The following LHFPL6 variants were observed in gnomAD, a reference collection of about 807,000 sequenced individuals.
The protein encoded by LHFPL6 is LHFPL tetraspan subfamily member 6, also known as LHFPL tetraspan subfamily member 6 protein.
A neutral mutation model predicts 20.6 loss-of-function variants in LHFPL6; 9 were observed. That is an observed-to-expected ratio of 0.44 (90% CI 0.26 to 0.76). LHFPL6 has a LOEUF of 0.76. LHFPL6 is among the 30% of genes least tolerant of loss of function. LHFPL6 has a pLI of 0.20. For synonymous variants in LHFPL6, 105 were observed against 98.7 expected (o/e 1.06, Z -0.38); for missense variants, 218 against 253.5 (o/e 0.86, Z 0.95).
intron 2 of LHFPL6, among the ~76,000 whole-genome samples, chr13:39,456,161 A>G (rs550861717): frequency 8.5e-5 from 13 of 152,358 alleles, no homozygotes; most frequent in African/African-American, 2.9e-4. Context: ...AAAAGTGCCT[A>G]TTAACCAATC....
intron 2 of LHFPL6, among the ~76,000 whole-genome samples, chr13:39,573,190 T>A (rs1445405463): frequency 6.6e-6 from 1 of 152,080 alleles, no homozygotes; most frequent in Admixed American, 6.5e-5. Context: ...TTTTCCCCTA[T>A]CAAAATAGGT....
rs753034468 is a variant in LHFPL6 at position 39,600,937 on chromosome 13, C to T, written c.280G>A (p.Gly94Ser). The T allele has an allele frequency of 6.2e-7, 1 of 1,603,572 alleles. No homozygotes were observed. Among genetic ancestry groups the T allele is most frequent in the Non-Finnish European group, 8.5e-7 (1 of 1,173,072 alleles). ...ICTIVTGLGCGLLLLVALTAL... is the reference protein window; with the variant it reads ...ICTIVTGLGCSLLLLVALTAL... ...GTGAGCGCCACCAGGAGGAGGAGGC[C>T]ACAACCCAGGCCGGTCACTATGGTG... The change falls in exon 2 of 4, where the codon GGC becomes AGC. Residue 94 changes from glycine (G) to serine (S), a missense_variant. Coordinates refer to ENST00000379589, the MANE Select transcript of LHFPL6 (RefSeq NM_005780.3).
chr13:39,493,802 G>C (rs1307235668), intron 2 of LHFPL6, among the ~76,000 whole-genome samples: 2 of 152,204 alleles, frequency 1.3e-5, no homozygotes, highest in African/African-American at 4.8e-5. Context: ...CCTCAGGAAA[G>C]ACATCAGGGC....
intron 2 of LHFPL6, among the ~76,000 whole-genome samples, chr13:39,538,076 C>T (rs1005225395): frequency 1.1e-4 from 16 of 151,348 alleles, no homozygotes; most frequent in African/African-American, 3.4e-4. Context: ...CTGCAACCTC[C>T]GCCTCCCAGG....
chr13:39,450,139 TAA>T (rs905388445), intron 2 of LHFPL6, among the ~76,000 whole-genome samples: 20 of 152,328 alleles, frequency 1.3e-4, no homozygotes, highest in African/African-American at 4.6e-4. Flanking sequence ...TCTAAATCTC[TAA>T]AGAGTCTAAA....
At chr13:39,413,442 T>A (rs1420030125) in intron 2 of LHFPL6, among the ~76,000 whole-genome samples, 1 of 96,004 alleles carries the variant, frequency 1.0e-5, no homozygotes, top group Non-Finnish European at 2.2e-5. Flanking sequence ...GGATTTTTTT[T>A]TTTTTTTTTT....
At chr13:39,515,474 T>C (rs988114796) in intron 2 of LHFPL6, among the ~76,000 whole-genome samples, 4 of 152,372 alleles carry the variant, frequency 2.6e-5, no homozygotes, top group East Asian at 3.9e-4. Context: ...GCTGACACTT[T>C]ATTCTTACCA....
intron 2 of LHFPL6, among the ~76,000 whole-genome samples, chr13:39,561,803 C>G (rs573499952): frequency 6.6e-6 from 1 of 152,304 alleles, no homozygotes; most frequent in African/African-American, 2.4e-5. Flanking sequence ...CAGGGCCTAA[C>G]ACTGAGTGAC....
chr13:39,516,090 G>C lies in LHFPL6; in HGVS notation c.385+84742C>G, dbSNP rs573121688. Among the ~76,000 whole-genome samples the C allele has an allele frequency of 3.3e-5, 5 of 152,220 alleles. No individual in the cohort carries two copies. In the East Asian group the frequency reaches 7.7e-4, roughly 23 times the overall value. ...ACTCAGGACTGTGGAGGCTAATTACGAGTTCCTATTGTCTGATCCTTCTGG... is the reference window on the plus strand; with the variant it reads ...ACTCAGGACTGTGGAGGCTAATTACCAGTTCCTATTGTCTGATCCTTCTGG... On this transcript the variant is annotated intron_variant, in intron 2 of 3. Coordinates refer to ENST00000379589, the MANE Select transcript of LHFPL6 (RefSeq NM_005780.3).
At chr13:39,500,698 T>C (rs1869264909) in intron 2 of LHFPL6, among the ~76,000 whole-genome samples, 1 of 152,220 alleles carries the variant, frequency 6.6e-6, no homozygotes, top group Admixed American at 6.5e-5. Flanking sequence ...GAATTGTATA[T>C]TAAATGTTCT....
chr13:39,411,555 T>C (rs1312834285), intron 2 of LHFPL6, among the ~76,000 whole-genome samples: 1 of 152,172 alleles, frequency 6.6e-6, no homozygotes, highest in African/African-American at 2.4e-5. Context: ...GCCCTTATAA[T>C]AGTGTTGTGT....
intron 3 of LHFPL6, among the ~76,000 whole-genome samples, chr13:39,356,020 A>T (rs980008967): frequency 6.6e-6 from 1 of 152,236 alleles, no homozygotes; most frequent in African/African-American, 2.4e-5. Context: ...TTTAAACTCA[A>T]CATGACCAAT....
chr13:39,459,194 A>ATGTGTGTGTGTGTGTGTGTGTGTG, intron 2 of LHFPL6, among the ~76,000 whole-genome samples: 1 of 136,070 alleles, frequency 7.3e-6, no homozygotes, highest in African/African-American at 2.8e-5. Flanking sequence ...AAGTTCCTTA[A>ATGTGTGTGTGTGTGTGTGTGTGTG]TGTGTGTGTG....
At chr13:39,454,839 T>C (rs919337273) in intron 2 of LHFPL6, among the ~76,000 whole-genome samples, 4 of 152,116 alleles carry the variant, frequency 2.6e-5, no homozygotes, top group African/African-American at 9.7e-5. Flanking sequence ...ATTTAAGGAG[T>C]GGAGATACAA....
chr13:39,480,641 G>A (rs1029799502), intron 2 of LHFPL6, among the ~76,000 whole-genome samples: 4 of 152,052 alleles, frequency 2.6e-5, no homozygotes, highest in African/African-American at 9.7e-5. Flanking sequence ...GGGACTCCTT[G>A]GTCTAAGAGG....
intron 3 of LHFPL6, among the ~76,000 whole-genome samples, chr13:39,351,366 T>C (rs1239923192): frequency 2.0e-5 from 3 of 151,704 alleles, no homozygotes; most frequent in Admixed American, 2.0e-4. Flanking sequence ...GATAAGTAAC[T>C]TACCCATTAT....
At position 39,378,409 on chromosome 13, in the gene LHFPL6, A is replaced by G. The variant is rs1870350190; in HGVS notation, c.484+19T>C. On this transcript the variant is annotated intron_variant, in intron 3 of 3. Transcript: ENST00000379589. ...AGGTTCTTTTTCTAAAAGGAGTGCC[A>G]TCCATGAAGAAAGCTTACCCAGGTC... 2.5e-6 allele frequency: 4 copies of G among 1,596,560 alleles called. No homozygotes were observed. The highest frequency in any genetic ancestry group is 2.2e-5 in the South Asian group (2 of 90,672).
chr13:39,343,752 TCCCCCAC>T lies in LHFPL6; in HGVS notation c.*177_*183del. 1.8e-6 allele frequency: 1 copy of T among 569,020 alleles called. No individual in the cohort carries two copies. Among genetic ancestry groups the T allele is most frequent in the Non-Finnish European group, 3.1e-6 (1 of 320,492 alleles). 35.2% of individuals were successfully genotyped at this position (569,020 alleles called of 1,614,324 possible). ...CATCATTCTATACTCTCCTTTTTTT[TCCCCCAC>T]AAATCTCCTACAATCCTTCCTTCCT... On this transcript the variant is annotated 3_prime_UTR_variant, in exon 4 of 4. Transcript: ENST00000379589.
At chr13:39,464,755 G>A (rs1025231494) in intron 2 of LHFPL6, among the ~76,000 whole-genome samples, 3 of 147,260 alleles carry the variant, frequency 2.0e-5, no homozygotes, top group African/African-American at 7.5e-5. Flanking sequence ...TGAATATTTG[G>A]TTACTATAGA....
Sources: allele counts gnomAD v4.1 joint callset (sites outside exome capture counted in the v4.1 genomes callset), GRCh38; gene constraint gnomAD v4.1.1; transcripts MANE v1.5; gene names NCBI Gene and HGNC (gene_info 2026-07-23, HGNC 2026-07-21).